CERKL: variants seen among roughly 807,000 people sequenced by gnomAD.
The protein encoded by CERKL is CERK like autophagy regulator.
A neutral mutation model predicts 63.4 loss-of-function variants in CERKL; 61 were observed. The ratio of observed to expected loss-of-function variants is 0.96; its 90% CI spans 0.78 to 1.19. The LOEUF is 1.19. CERKL is among the 50% of genes most tolerant of loss of function. The probability of loss-of-function intolerance (pLI) is 0.00; values close to 1 mark genes in which losing one functional copy is unlikely to be tolerated. For missense variants in CERKL, 675 were observed against 655.5 expected, an observed-to-expected ratio of 1.03 and a Z score of -0.33; for synonymous variants, 250 against 230.5, an observed-to-expected ratio of 1.08 and a Z score of -0.77.
chr2:181,537,660 T>C lies in CERKL; in HGVS notation c.*524A>G, dbSNP rs1559064314. 3 of 435,000 alleles carry C rather than the reference T, an allele frequency of 6.9e-6. No homozygotes were observed. In the East Asian group the frequency reaches 2.1e-4, roughly 30 times the overall value. 26.9% of individuals were successfully genotyped at this position (435,000 alleles called of 1,614,324 possible). ...TCCTGAAAAATGAAAGAATCCAAAT[T>C]ATTTCAGAATTATCTAGGTTAAATA... On this transcript the variant is annotated 3_prime_UTR_variant, in exon 13 of 13. Transcript: ENST00000410087.
chr2:181,644,628 C>A (rs2105522011), intron 1 of CERKL, among the ~76,000 whole-genome samples: 1 of 152,226 alleles, frequency 6.6e-6, no homozygotes, highest in Admixed American at 6.5e-5. Context: ...GTGGATGAAC[C>A]TTAACTCTTA....
At chr2:181,652,497 A>G (rs1273175744) in intron 1 of CERKL, among the ~76,000 whole-genome samples, 1 of 152,198 alleles carries the variant, frequency 6.6e-6, no homozygotes, top group Non-Finnish European at 1.5e-5. Context: ...ATAAAAATAG[A>G]TTAAAGATTT....
At chr2:181,551,770 C>T (rs1474326689) in intron 5 of CERKL, among the ~76,000 whole-genome samples, 1 of 152,002 alleles carries the variant, frequency 6.6e-6, no homozygotes, top group African/African-American at 2.4e-5. Flanking sequence ...TACACATAGC[C>T]TGAAGATAAT....
At chr2:181,585,336 A>T (rs899873544) in intron 2 of CERKL, among the ~76,000 whole-genome samples, 1 of 152,124 alleles carries the variant, frequency 6.6e-6, no homozygotes, top group Non-Finnish European at 1.5e-5. Context: ...AAAAACCCCA[A>T]ATTAAAAAAT....
chr2:181,649,302 A>G (rs1687802709), intron 1 of CERKL, among the ~76,000 whole-genome samples: 1 of 152,202 alleles, frequency 6.6e-6, no homozygotes, highest in Non-Finnish European at 1.5e-5. Flanking sequence ...CTGTAAAAAG[A>G]GACAAAGAAG....
intron 3 of CERKL, among the ~76,000 whole-genome samples, chr2:181,572,558 A>G (rs1379690771): frequency 1.3e-5 from 2 of 152,134 alleles, no homozygotes; most frequent in Non-Finnish European, 1.5e-5. Flanking sequence ...CCTTCAGCCA[A>G]TCTTTGGAAA....
chr2:181,580,710 G>T (rs1302718719), intron 2 of CERKL, among the ~76,000 whole-genome samples: 1 of 152,082 alleles, frequency 6.6e-6, no homozygotes, highest in African/African-American at 2.4e-5. Flanking sequence ...CTGATCTCTA[G>T]TTTTCCTTTT....
chr2:181,656,935 C>T lies in CERKL; in HGVS notation c.72G>A (p.Glu24=), dbSNP rs1688199550. ...EGGREEEAPP[E]AAAVPPALLT... is the part of the protein sequence containing the mutation. ...ACAGCGCCGGAGGCACAGCGGCAGCCTCCGGGGGCGCCTCTTCCTCCCGGC... is the reference window on the plus strand; with the variant it reads ...ACAGCGCCGGAGGCACAGCGGCAGCTTCCGGGGGCGCCTCTTCCTCCCGGC... Residue 24 remains glutamate, a synonymous_variant, in exon 1 of 13, where the codon GAG becomes GAA. Coordinates refer to ENST00000410087, the MANE Select transcript of CERKL (RefSeq NM_201548.5). The T allele has an allele frequency of 3.1e-6, 5 of 1,590,026 alleles. No homozygotes were observed. The highest frequency in any genetic ancestry group is 2.2e-5 in the South Asian group (2 of 89,732).
Position 181,549,997 on chromosome 2 carries a change from T to G in CERKL, c.821-289A>C, listed in dbSNP as rs138635729. Among the ~76,000 whole-genome samples, 466 of 152,270 alleles carry G rather than the reference T, an allele frequency of 3.1e-3. 2 individuals carry two copies. Among genetic ancestry groups the G allele is most frequent in the African/African-American group, 0.011 (455 of 41,566 alleles). On this transcript the variant is annotated intron_variant, in intron 5 of 12. Transcript: ENST00000410087. ...TGATCACGAATGTCTATTTTCTACC[T>G]CCCAAATGCTAGCTATATCAAAGCC...
chr2:181,569,625 G>C (rs1181590623), intron 3 of CERKL, among the ~76,000 whole-genome samples: 1 of 152,170 alleles, frequency 6.6e-6, no homozygotes, highest in Admixed American at 6.6e-5. Context: ...TGAGCTGGCA[G>C]AGATCAAGGT....
chr2:181,538,410 A>G (rs763972005), intron 12 of CERKL, among the ~76,000 whole-genome samples, 166 bp from the exon 13 acceptor site: 8 of 152,158 alleles, frequency 5.3e-5, no homozygotes, highest in Non-Finnish European at 7.4e-5. Flanking sequence ...ATAAATCATC[A>G]ACAACAATAA....
intron 3 of CERKL, among the ~76,000 whole-genome samples, chr2:181,568,801 C>T (rs1053836430): frequency 6.6e-6 from 1 of 151,498 alleles, no homozygotes; most frequent in African/African-American, 2.4e-5. Flanking sequence ...CGTCATCTAG[C>T]ATTAGGTATA....
At chr2:181,611,913 T>C (rs1685984471) in intron 1 of CERKL, among the ~76,000 whole-genome samples, 1 of 152,222 alleles carries the variant, frequency 6.6e-6, no homozygotes, top group South Asian at 2.1e-4. Flanking sequence ...GAAAAAAAGA[T>C]TGTTTCACTT....
intron 1 of CERKL, among the ~76,000 whole-genome samples, chr2:181,640,511 G>C (rs1162739923): frequency 1.3e-5 from 2 of 152,158 alleles, no homozygotes; most frequent in South Asian, 2.1e-4. Context: ...CAAGTGGCAG[G>C]CTAGGTGGGA....
chr2:181,544,842 A>C (rs1162791967), intron 10 of CERKL, 46 bp from the exon 11 acceptor site: 2 of 1,155,394 alleles, frequency 1.7e-6, no homozygotes, highest in East Asian at 2.5e-5. Flanking sequence ...TTACTAAGAG[A>C]TTATACCAAA....
At chr2:181,625,872 TATTTA>T (rs755615252) in intron 1 of CERKL, among the ~76,000 whole-genome samples, 2 of 152,224 alleles carry the variant, frequency 1.3e-5, no homozygotes, top group Non-Finnish European at 2.9e-5. Flanking sequence ...AGAAAAATGA[TATTTA>T]ATTTAATCTA....
chr2:181,552,170 A>G (rs1426492060), intron 5 of CERKL, among the ~76,000 whole-genome samples: 1 of 152,156 alleles, frequency 6.6e-6, no homozygotes, highest in Non-Finnish European at 1.5e-5. Flanking sequence ...CTGGGGAGAT[A>G]CTGGTCCAGG....
chr2:181,537,904 C>T lies in CERKL; in HGVS notation c.*280G>A. On this transcript the variant is annotated 3_prime_UTR_variant, in exon 13 of 13. Coordinates refer to ENST00000410087, the MANE Select transcript of CERKL (RefSeq NM_201548.5). Reference sequence around the variant, plus strand: ...AGCAATGGAGCATTACTGAGTTCCTCCCCCTGTCAGATCAGCAGCAGCATT... The same window carrying T: ...AGCAATGGAGCATTACTGAGTTCCTTCCCCTGTCAGATCAGCAGCAGCATT... 1 of 566,076 alleles carries T rather than the reference C, an allele frequency of 1.8e-6. No individual in the cohort carries two copies. Among genetic ancestry groups the T allele is most frequent in the Non-Finnish European group, 3.4e-6 (1 of 298,362 alleles). 35.1% of individuals were successfully genotyped at this position (566,076 alleles called of 1,614,324 possible).
Position 181,558,599 on chromosome 2 carries a change from T to C in CERKL, c.787A>G (p.Arg263Gly). ...ATTAAGCCAAGTGGAAGCTGTGCTC[T>C]GACAGGAGTCAGGATTCGGTCTGTT... ...METDRILTPV[R>G]AQLPLGLIPA... The change falls in exon 5 of 13, where the codon AGA becomes GGA. Residue 263 changes from arginine (R) to glycine (G), a missense_variant. Arg to Gly is a moderately radical substitution (Grantham distance 125). Transcript: ENST00000410087. The surrounding 1 kb of genome is among the most constrained non-coding windows in gnomAD (Gnocchi z 4.2). 3 of 1,613,774 alleles carry C rather than the reference T, an allele frequency of 1.9e-6. No individual in the cohort carries two copies. Among genetic ancestry groups the C allele is most frequent in the Non-Finnish European group, 2.5e-6 (3 of 1,179,820 alleles).
Sources: allele counts gnomAD v4.1 joint callset (sites outside exome capture counted in the v4.1 genomes callset), GRCh38; gene constraint gnomAD v4.1.1; non-coding constraint Gnocchi (gnomAD v3.1); transcripts MANE v1.5; gene names NCBI Gene and HGNC (gene_info 2026-07-23, HGNC 2026-07-21).